FANCL: variants seen among roughly 807,000 people sequenced by gnomAD.
FANCL encodes E3 ubiquitin-protein ligase FANCL.
A neutral mutation model predicts 59.4 loss-of-function variants in FANCL; 69 were observed. That is an observed-to-expected ratio of 1.16 (90% CI 0.96 to 1.42). FANCL has a LOEUF of 1.42. Among genes scored for constraint, FANCL ranks in the 40% most tolerant of loss-of-function variants. The pLI, the probability that FANCL is intolerant of heterozygous loss-of-function variation, is 0.00. For missense variants in FANCL, 519 were observed against 447.2 expected (o/e 1.16, Z -1.45); for synonymous variants, 180 against 147.1 (o/e 1.22, Z -1.62).
Position 58,204,110 on chromosome 2 carries a change from C to T in FANCL, c.471+20G>A. Reference sequence around the variant, plus strand: ...ACAAAGTATTTTCTGATCACAATAACAGTTTAACGAGGCACATACCTTTGC... The same window carrying T: ...ACAAAGTATTTTCTGATCACAATAATAGTTTAACGAGGCACATACCTTTGC... On this transcript the variant is annotated intron_variant, in intron 6 of 13. Coordinates refer to ENST00000233741, the MANE Select transcript of FANCL (RefSeq NM_018062.4). The T allele has an allele frequency of 6.4e-7, 1 of 1,568,034 alleles. No individual in the cohort carries two copies. Among genetic ancestry groups the T allele is most frequent in the Non-Finnish European group, 8.8e-7 (1 of 1,138,254 alleles).
Position 58,221,813 on chromosome 2 carries a change from A to G in FANCL, c.374+129T>C, listed in dbSNP as rs143135118. The stretch of plus-strand genomic sequence containing the variant: ...CTCTCTTTAATTCACAGCAACAATA[A>G]GGATCAAATACTCTAGTTACAATTA... On this transcript the variant is annotated intron_variant, in intron 5 of 13. Coordinates refer to ENST00000233741, the MANE Select transcript of FANCL (RefSeq NM_018062.4). The G allele has an allele frequency of 3.5e-4, 230 of 657,232 alleles. 1 individual carries two copies. The highest frequency in any genetic ancestry group is 3.2e-3 in the African/African-American group (179 of 55,088). The allele number at this position is 657,232 out of a possible 1,614,324, so 40.7% of individuals were successfully genotyped here.
chr2:58,181,097 C>T (rs1380041998), intron 7 of FANCL, among the ~76,000 whole-genome samples: 5 of 151,984 alleles, frequency 3.3e-5, no homozygotes, highest in South Asian at 2.1e-4. Context: ...ATACCGTTAC[C>T]GGAATGCTCA....
chr2:58,223,014 T>TC (rs1407856936), intron 4 of FANCL, among the ~76,000 whole-genome samples: 1 of 151,706 alleles, frequency 6.6e-6, no homozygotes, highest in African/African-American at 2.4e-5. Context: ...TCAATTTTTT[T>TC]TAACCAGGAT....
In FANCL at chr2:58,159,419, A is replaced by G. The variant is rs778693777; in HGVS notation, c.*346T>C. 6.2e-7 allele frequency: 1 copy of G among 1,613,646 alleles called. No homozygotes were observed. Among genetic ancestry groups the G allele is most frequent in the Middle Eastern group, 1.7e-4 (1 of 6,058 alleles). On this transcript the variant is annotated 3_prime_UTR_variant, in exon 14 of 14. Coordinates refer to ENST00000233741, the MANE Select transcript of FANCL (RefSeq NM_018062.4). The stretch of plus-strand genomic sequence containing the variant: ...TTGAATGAAGTAAACAGTTTCCCAC[A>G]AAAAATCAGCTATACACAATTCCCA...
At chr2:58,174,901 TAAAG>T (rs1483181527) in intron 7 of FANCL, among the ~76,000 whole-genome samples, 6 of 151,464 alleles carry the variant, frequency 4.0e-5, no homozygotes, top group African/African-American at 7.3e-5. Flanking sequence ...GCAAGACTAA[TAAAG>T]AAGAGAGAAG....
At chr2:58,168,080 CAGTA>C (rs779531933) in intron 7 of FANCL, among the ~76,000 whole-genome samples, 4 of 151,966 alleles carry the variant, frequency 2.6e-5, no homozygotes, top group Non-Finnish European at 5.9e-5. Context: ...AATCAAAGTT[CAGTA>C]AGTATTTTGC....
At chr2:58,175,538 T>C (rs1489474733) in intron 7 of FANCL, among the ~76,000 whole-genome samples, 3 of 151,942 alleles carry the variant, frequency 2.0e-5, no homozygotes, top group Admixed American at 6.5e-5. Flanking sequence ...AAAAACCACA[T>C]GATTATCTCA....
At chr2:58,202,103 C>G (rs1192589469) in intron 6 of FANCL, among the ~76,000 whole-genome samples, 1 of 150,234 alleles carries the variant, frequency 6.7e-6, no homozygotes, top group African/African-American at 2.4e-5. Context: ...TTTTTTTTCC[C>G]TAAAATTTTT....
At position 58,224,789 on chromosome 2, in the gene FANCL, C is replaced by G. The variant is rs77467661; in HGVS notation, c.273+1939G>C. ...CAATGATGTTAACATTAGAAAACAG[C>G]ATTTTCAGAGTAAAAGTGATACAAG... is the stretch of plus-strand genomic sequence containing the variant. On this transcript the variant is annotated intron_variant, in intron 4 of 13. Coordinates refer to ENST00000233741, the MANE Select transcript of FANCL (RefSeq NM_018062.4). 6.4e-3 allele frequency among the ~76,000 whole-genome samples: 967 copies of G among 151,968 alleles called. 10 individuals carry two copies. The highest frequency in any genetic ancestry group is 0.022 in the African/African-American group (931 of 41,516).
At chr2:58,217,849 T>C (rs891388605) in intron 5 of FANCL, among the ~76,000 whole-genome samples, 4 of 150,964 alleles carry the variant, frequency 2.6e-5, no homozygotes, top group Non-Finnish European at 5.9e-5. Context: ...AATTAATAAA[T>C]GTGAGGAATG....
intron 1 of FANCL, among the ~76,000 whole-genome samples, chr2:58,236,649 G>A (rs1423490203): frequency 6.6e-6 from 1 of 152,016 alleles, no homozygotes; most frequent in East Asian, 1.9e-4. Context: ...CACGTTAAAT[G>A]TAAATAGTCG....
intron 7 of FANCL, among the ~76,000 whole-genome samples, chr2:58,185,301 A>T (rs1190124946): frequency 6.6e-6 from 1 of 152,166 alleles, no homozygotes; most frequent in East Asian, 1.9e-4. Context: ...CTCTGCACCT[A>T]AATCAGAAAT....
chr2:58,196,928 T>C (rs1050843338), intron 7 of FANCL, among the ~76,000 whole-genome samples: 10 of 151,656 alleles, frequency 6.6e-5, no homozygotes, highest in Admixed American at 1.3e-4. Flanking sequence ...CAGAGCCAAA[T>C]AGAAAATGTG....
At chr2:58,218,764 GT>G (rs1419167970) in intron 5 of FANCL, among the ~76,000 whole-genome samples, 9 of 152,052 alleles carry the variant, frequency 5.9e-5, no homozygotes, top group Admixed American at 5.9e-4. Flanking sequence ...TGGGAGCTCG[GT>G]TTCTCCCTGT....
At chr2:58,161,001 G>T (rs1271723954) in intron 12 of FANCL, among the ~76,000 whole-genome samples, 3 of 152,002 alleles carry the variant, frequency 2.0e-5, no homozygotes, top group Non-Finnish European at 4.4e-5. Context: ...TTCACATACA[G>T]TAAGTAAAGT....
intron 7 of FANCL, among the ~76,000 whole-genome samples, chr2:58,182,578 T>C (rs921031362): frequency 2.6e-5 from 4 of 151,876 alleles, no homozygotes; most frequent in African/African-American, 9.7e-5. Flanking sequence ...ACCCATTTTA[T>C]ACAACTAACC....
chr2:58,176,811 A>G (rs2104921299), intron 7 of FANCL, among the ~76,000 whole-genome samples: 1 of 152,364 alleles, frequency 6.6e-6, no homozygotes, highest in Middle Eastern at 3.4e-3. Flanking sequence ...GCTTCTACAC[A>G]GCAAAAGAAA....
intron 7 of FANCL, among the ~76,000 whole-genome samples, chr2:58,172,351 C>A (rs1351751596): frequency 1.3e-5 from 2 of 152,208 alleles, no homozygotes; most frequent in African/African-American, 4.8e-5. Context: ...GAGGCACCGC[C>A]CAGTAGGGGC....
chr2:58,214,933 C>T (rs943162783), intron 5 of FANCL, among the ~76,000 whole-genome samples: 4 of 152,240 alleles, frequency 2.6e-5, no homozygotes, highest in East Asian at 3.9e-4. Flanking sequence ...ACATCCTTAA[C>T]GCTTCAACTG....
Sources: allele counts gnomAD v4.1 joint callset (sites outside exome capture counted in the v4.1 genomes callset), GRCh38; gene constraint gnomAD v4.1.1; transcripts MANE v1.5; gene names NCBI Gene and HGNC (gene_info 2026-07-23, HGNC 2026-07-21).